EPHA8: variants seen among roughly 807,000 people sequenced by gnomAD.
The protein encoded by EPHA8 is EPH receptor A8, also known as ephrin type-A receptor 8.
In EPHA8, 58 loss-of-function variants were observed where a neutral mutation model predicts 103.6. The observed-to-expected ratio is 0.56, with a 90% CI of 0.45 to 0.70. The LOEUF is 0.70. EPHA8 is among the 30% of genes least tolerant of loss of function. The pLI, the probability that EPHA8 is intolerant of heterozygous loss-of-function variation, is 0.00. For synonymous variants in EPHA8, 559 were observed against 572.5 expected (o/e 0.98, Z 0.34); for missense variants, 1,304 against 1,395.2 (o/e 0.93, Z 1.04).
rs746923659 is a variant in EPHA8, at chr1:22,601,702, C to T, written c.2979C>T (p.Ala993=). The change falls in exon 17 of 17, where the codon GCC becomes GCT. Residue 993 remains alanine, a synonymous_variant. Coordinates refer to ENST00000166244, the MANE Select transcript of EPHA8 (RefSeq NM_020526.5). ...TGGGCAGCATTCAGACCATGCGGGCCCAGCTGACCAGCACCCAGGGGCCCC... is the reference window on the plus strand; with the variant it reads ...TGGGCAGCATTCAGACCATGCGGGCTCAGCTGACCAGCACCCAGGGGCCCC... The part of the protein sequence containing the change: ...KILGSIQTMR[A]QLTSTQGPRR... The T allele has an allele frequency of 2.5e-6, 4 of 1,576,862 alleles. No homozygotes were observed. The Admixed American group carries it at 7.1e-5, about 28-fold the overall frequency.
chr1:22,566,109 A>G (rs1326437479), intron 1 of EPHA8, among the ~76,000 whole-genome samples: 1 of 152,210 alleles, frequency 6.6e-6, no homozygotes, highest in South Asian at 2.1e-4. Context: ...CCCCTACAAC[A>G]GGCCACTCTC....
At chr1:22,564,844 C>CA (rs1640311202) in intron 1 of EPHA8, among the ~76,000 whole-genome samples, 1 of 152,128 alleles carries the variant, frequency 6.6e-6, no homozygotes, top group South Asian at 2.1e-4. Flanking sequence ...GCTGGGTCCT[C>CA]ACCCTGCCAA....
chr1:22,579,069 GTGTGTGCATGTGTACGTGCA>G (rs778282860), intron 3 of EPHA8, among the ~76,000 whole-genome samples: 11,563 of 150,388 alleles, frequency 0.077, 473 homozygotes, highest in South Asian at 0.2. Context: ...ATGTATGCAT[GTGTGTGCATGTGTACGTGCA>G]TGTGTGCATG....
At chr1:22,593,186 G>T in intron 5 of EPHA8, 140 bp from the exon 6 acceptor site, 1 of 1,298,982 alleles carries the variant, frequency 7.7e-7, no homozygotes, top group Non-Finnish European at 1.0e-6. Context: ...GAGGGTGCTG[G>T]CTGTCCTGGG....
intron 5 of EPHA8, among the ~76,000 whole-genome samples, chr1:22,591,393 T>C (rs2148256680): frequency 6.6e-6 from 1 of 151,330 alleles, no homozygotes; most frequent in East Asian, 2.0e-4. Flanking sequence ...CAGTGATTTT[T>C]TTTTTTTTGT....
chr1:22,565,177 C>A (rs1254715427), intron 1 of EPHA8, among the ~76,000 whole-genome samples: 1 of 152,194 alleles, frequency 6.6e-6, no homozygotes, highest in Non-Finnish European at 1.5e-5. Context: ...ATACATCACA[C>A]CACATATGTA....
intron 1 of EPHA8, among the ~76,000 whole-genome samples, chr1:22,564,225 A>G: frequency 6.7e-6 from 1 of 149,974 alleles, no homozygotes; most frequent in Non-Finnish European, 1.5e-5. Flanking sequence ...GAGAGATAGG[A>G]GCCAGGCGCT....
At chr1:22,574,258 C>T (rs1021883654) in intron 2 of EPHA8, among the ~76,000 whole-genome samples, 1 of 151,906 alleles carries the variant, frequency 6.6e-6, no homozygotes, top group Non-Finnish European at 1.5e-5. Context: ...GGATTACAGG[C>T]GTGAGCCACC....
In EPHA8 at chr1:22,597,644, C is replaced by T; in HGVS notation, c.1931-32C>T. 6.4e-7 allele frequency: 1 copy of T among 1,572,768 alleles called. No homozygotes were observed. On this transcript the variant is annotated intron_variant, in intron 10 of 16. Coordinates refer to ENST00000166244, the MANE Select transcript of EPHA8 (RefSeq NM_020526.5). The surrounding 1 kb of genome is among the most constrained non-coding windows in gnomAD (Gnocchi z 4.6). ...GGGAGTCTGAGGGTCCCACTGCCCT[C>T]CCTCCACACCTGCCCCTCTCGGGGC...
At chr1:22,600,154 GAAGGAGGGAGGC>G (rs1641675495) in intron 13 of EPHA8, among the ~76,000 whole-genome samples, 2 of 118,592 alleles carry the variant, frequency 1.7e-5, no homozygotes, top group Non-Finnish European at 3.6e-5. Context: ...GGGAGGGAGG[GAAGGAGGGAGGC>G]AGGAAGGAAG....
intron 3 of EPHA8, among the ~76,000 whole-genome samples, chr1:22,577,914 CGT>C (rs745466407): frequency 1.5e-4 from 3 of 20,040 alleles, no homozygotes; most frequent in African/African-American, 2.3e-4. Context: ...TGTATGTGTG[CGT>C]GAGTGTATGT....
Position 22,589,001 on chromosome 1 carries a change from CT to C in EPHA8, c.1111del (p.Trp371GlyfsTer3), listed in dbSNP as rs777644562. The stretch of plus-strand genomic sequence containing the variant: ...ACAATGCCGTGTGCCGCCGCTGCCC[CT>C]GGGCACTGAGCCGCTGCGAGGCATG... ...TYNAVCRRCPWALSRCEACGS... is the reference protein window; with the variant it reads ...TYNAVCRRCPXALSRCEACGS... On this transcript the variant is annotated frameshift_variant, in exon 5 of 17. Transcript: ENST00000166244. LOFTEE classifies it high-confidence loss of function. This position sits in a 1 kb window ranked among gnomAD's most constrained non-coding sequence, Gnocchi z 4.3. 5 of 1,613,192 alleles carry C rather than the reference CT, an allele frequency of 3.1e-6. No homozygotes were observed. The highest frequency in any genetic ancestry group is 2.2e-5 in the East Asian group (1 of 44,846).
rs1557550263 is a variant in EPHA8 at position 22,569,277 on chromosome 1, C to T, written c.95-12C>T. 3.7e-6 allele frequency: 6 copies of T among 1,613,148 alleles called. No individual in the cohort carries two copies. The highest frequency in any genetic ancestry group is 1.3e-5 in the African/African-American group (1 of 74,966). ...AGAGGGGCCTGATGCCCTCTTGTCT[C>T]CTGTTTTACAGTGAATTTGCTGGAC... On this transcript the variant is annotated splice_polypyrimidine_tract_variant and intron_variant, in intron 1 of 16. Transcript: ENST00000166244. This position sits in a 1 kb window ranked among gnomAD's most constrained non-coding sequence, Gnocchi z 4.5.
chr1:22,564,528 G>A (rs1640299699), intron 1 of EPHA8, among the ~76,000 whole-genome samples: 1 of 152,030 alleles, frequency 6.6e-6, no homozygotes, highest in Non-Finnish European at 1.5e-5. Context: ...GGGTCACTCT[G>A]GGGCCCTGTG....
intron 1 of EPHA8, among the ~76,000 whole-genome samples, chr1:22,566,826 G>T (rs928970198): frequency 1.3e-5 from 2 of 152,130 alleles, no homozygotes; most frequent in African/African-American, 4.8e-5. Flanking sequence ...TCCTTCAAGG[G>T]ACACTCTGCG....
In EPHA8 at chr1:22,576,184, C is replaced by G; in HGVS notation, c.160-33C>G. On this transcript the variant is annotated intron_variant, in intron 2 of 16. Transcript: ENST00000166244. This position sits in a 1 kb window ranked among gnomAD's most constrained non-coding sequence, Gnocchi z 4.8. Reference sequence around the variant, plus strand: ...GGCAAAAGAGGGTGAGGTGCTGGCTCTGCTGTAGTGGCTGTGTTCTCTCTG... The same window carrying G: ...GGCAAAAGAGGGTGAGGTGCTGGCTGTGCTGTAGTGGCTGTGTTCTCTCTG... 1 of 1,575,160 alleles carries G rather than the reference C, an allele frequency of 6.3e-7. No homozygotes were observed. The highest frequency in any genetic ancestry group is 8.6e-7 in the Non-Finnish European group (1 of 1,157,960).
At chr1:22,577,856 G>A (rs933943253) in intron 3 of EPHA8, among the ~76,000 whole-genome samples, 5 of 77,858 alleles carry the variant, frequency 6.4e-5, no homozygotes, top group East Asian at 7.0e-4. Flanking sequence ...GTGTGCATGC[G>A]TATGTATGCA....
At position 22,598,145 on chromosome 1, in the gene EPHA8, G is replaced by A. The variant is rs537880455; in HGVS notation, c.2117-6G>A. The A allele has an allele frequency of 1.2e-5, 20 of 1,613,270 alleles. No individual in the cohort carries two copies. In the East Asian group the frequency reaches 1.3e-4, roughly 11 times the overall value. ...AAGAGCCACCCTCTCCCTACTGCCC[G>A]CCCAGGCCGCCTGGCAATGATTGTG... On this transcript the variant is annotated splice_polypyrimidine_tract_variant and splice_region_variant and intron_variant, in intron 11 of 16. Coordinates refer to ENST00000166244, the MANE Select transcript of EPHA8 (RefSeq NM_020526.5). The surrounding 1 kb of genome is among the most constrained non-coding windows in gnomAD (Gnocchi z 5.1).
chr1:22,580,486 A>C (rs996628779), intron 3 of EPHA8, among the ~76,000 whole-genome samples: 1 of 152,006 alleles, frequency 6.6e-6, no homozygotes, highest in Non-Finnish European at 1.5e-5. Context: ...CCCAATTTCT[A>C]TGAGTCTTCT....
Sources: gnomAD v4.1 joint callset for allele counts (sites outside exome capture counted in the v4.1 genomes callset) on GRCh38, gnomAD v4.1.1 for gene constraint, Gnocchi (gnomAD v3.1) non-coding constraint, MANE v1.5 for transcripts, NCBI Gene and HGNC (gene_info 2026-07-23, HGNC 2026-07-21) for gene names.